NIN: variants seen among roughly 807,000 people sequenced by gnomAD.
NIN encodes glycogen synthase kinase 3 beta-interacting protein.
In NIN, 137 loss-of-function variants were observed where a neutral mutation model predicts 257.6. That is an observed-to-expected ratio of 0.53 (90% CI 0.46 to 0.61). The LOEUF (loss-of-function observed/expected upper bound fraction) is 0.61. Among genes scored for constraint, NIN ranks in the 20% least tolerant of loss-of-function variants. The pLI is 0.00. For missense variants in NIN, 2,439 were observed against 2,501.2 expected, an observed-to-expected ratio of 0.98 and a Z score of 0.53; for synonymous variants, 918 against 919.8, an observed-to-expected ratio of 1.00 and a Z score of 0.04.
rs749378030 is a variant in NIN at position 50,766,893 on chromosome 14, G to A, written c.1435-3C>T. 9 of 1,596,376 alleles carry A rather than the reference G, an allele frequency of 5.6e-6. No individual in the cohort carries two copies. The East Asian group carries it at 2.0e-4, about 36-fold the overall frequency. Reference sequence around the variant, plus strand: ...TCATTTTCCAGACGACTGTTTTCCTGAACAAGTATGGGGAAATTAAATGTG... The same window carrying A: ...TCATTTTCCAGACGACTGTTTTCCTAAACAAGTATGGGGAAATTAAATGTG... On this transcript the variant is annotated splice_region_variant and splice_polypyrimidine_tract_variant and intron_variant, in intron 12 of 30. Coordinates refer to ENST00000530997, the MANE Select transcript of NIN (RefSeq NM_020921.4).
chr14:50,771,324 C>T lies in NIN; in HGVS notation c.1118+8G>A, dbSNP rs757676661. ...GAATGGGGCAGGCGAACCTTCTGCT[C>T]AACTCACAACAAATGCCGGATTTCA... On this transcript the variant is annotated splice_region_variant and intron_variant, in intron 10 of 30. Coordinates refer to ENST00000530997, the MANE Select transcript of NIN (RefSeq NM_020921.4). 1.9e-6 allele frequency: 3 copies of T among 1,613,290 alleles called. No homozygotes were observed. Among genetic ancestry groups the T allele is most frequent in the East Asian group, 2.2e-5 (1 of 44,892 alleles).
Position 50,792,877 on chromosome 14 carries a change from G to A in NIN, c.270C>T (p.Cys90=), listed in dbSNP as rs547751786. 6.2e-7 allele frequency: 1 copy of A among 1,614,190 alleles called. No individual in the cohort carries two copies. Among genetic ancestry groups the A allele is most frequent in the Admixed American group, 1.7e-5 (1 of 60,024 alleles). Residue 90 remains cysteine (C), a synonymous_variant, in exon 5 of 31, where the codon TGC becomes TGT. Transcript: ENST00000530997. Reference sequence around the variant, plus strand: ...CATATTTGGGCTGAGCTTCTAGTGAGCAGTCTGAGAGAGGAGACAAGAGTT... The same window carrying A: ...CATATTTGGGCTGAGCTTCTAGTGAACAGTCTGAGAGAGGAGACAAGAGTT... The part of the protein sequence containing the change: ...SNEEHFQEPD[C]SLEAQPKYVR...
chr14:50,800,878 GT>G (rs2044070405), intron 4 of NIN, among the ~76,000 whole-genome samples: 1 of 151,730 alleles, frequency 6.6e-6, no homozygotes, highest in South Asian at 2.1e-4. Flanking sequence ...CGCCTCCTGG[GT>G]TCAACCGATT....
chr14:50,731,375 C>A (rs948546664), intron 28 of NIN, among the ~76,000 whole-genome samples: 1 of 151,702 alleles, frequency 6.6e-6, no homozygotes, highest in Non-Finnish European at 1.5e-5. Context: ...ACTAAAAGTA[C>A]AAAAATTACC....
rs1212393696 is a variant in NIN, at chr14:50,725,970, T to G, written c.6175A>C (p.Asn2059His). 9.3e-6 allele frequency: 15 copies of G among 1,614,020 alleles called. No homozygotes were observed. Among genetic ancestry groups the G allele is most frequent in the Non-Finnish European group, 1.3e-5 (15 of 1,179,992 alleles). ...AGGCTCACTTGTTCTTTGAGCTGATTCACTTTCTCTTGAAGAAGCCTTTTC... is the reference window on the plus strand; with the variant it reads ...AGGCTCACTTGTTCTTTGAGCTGATGCACTTTCTCTTGAAGAAGCCTTTTC... ...LVKRLLQEKV[N>H]QLKEQLCKNT... The change falls in exon 30 of 31, where the codon AAT becomes CAT. Residue 2059 changes from asparagine (N) to histidine (H), a missense_variant. By Grantham distance (68) the Asn-to-His change is moderately conservative. Around this residue, in one of 3 missense-constraint regions of NIN, gnomAD observed 2,043 missense variants for 2,050.2 expected, o/e 1.00. Coordinates refer to ENST00000530997, the MANE Select transcript of NIN (RefSeq NM_020921.4).
intron 2 of NIN, among the ~76,000 whole-genome samples, chr14:50,829,665 G>C (rs2045610546): frequency 6.6e-6 from 1 of 152,230 alleles, no homozygotes; most frequent in South Asian, 2.1e-4. Flanking sequence ...GCAGAAAGCA[G>C]ATCTCATAAT....
At chr14:50,728,092 T>C (rs2040500861) in intron 29 of NIN, among the ~76,000 whole-genome samples, 1 of 151,964 alleles carries the variant, frequency 6.6e-6, no homozygotes, top group Non-Finnish European at 1.5e-5. Flanking sequence ...TTTTGTCTAA[T>C]CCTGAAGGAA....
At chr14:50,727,895 T>C (rs1182343627) in intron 29 of NIN, 2 of 515,520 alleles carry the variant, frequency 3.9e-6, no homozygotes, top group Non-Finnish European at 3.5e-6. Flanking sequence ...CAACACAAAA[T>C]GCAGAAGAGA....
rs563107713 is a variant in NIN, at chr14:50,770,795, G to A, written c.1259+57C>T. ...CTGTTCTGCCCCTGCAGCTGCAGGC[G>A]CCACTGCCCTGGGCCAGGGTGGTGG... On this transcript the variant is annotated intron_variant, in intron 11 of 30. Coordinates refer to ENST00000530997, the MANE Select transcript of NIN (RefSeq NM_020921.4). 26 of 1,560,128 alleles carry A rather than the reference G, an allele frequency of 1.7e-5. No homozygotes were observed. The East Asian group carries it at 4.7e-4, about 28-fold the overall frequency.
At chr14:50,727,606 T>C (rs973965401) in intron 29 of NIN, 1 of 1,420,768 alleles carries the variant, frequency 7.0e-7, no homozygotes, top group Non-Finnish European at 9.5e-7. Flanking sequence ...TTAGCTTATG[T>C]CTCTGTGTGT....
intron 13 of NIN, 22 bp from the exon 14 acceptor site, chr14:50,766,418 GC>G (rs1566824355): frequency 1.9e-6 from 3 of 1,610,912 alleles, no homozygotes; most frequent in Non-Finnish European, 2.5e-6. Flanking sequence ...AAAGGGCAAA[GC>G]TGTCATTTTT....
chr14:50,777,554 C>A (rs1018788285), intron 6 of NIN, among the ~76,000 whole-genome samples: 3 of 152,154 alleles, frequency 2.0e-5, no homozygotes, highest in Non-Finnish European at 4.4e-5. Flanking sequence ...TTCTTTCCAG[C>A]CTAAGTACTA....
At chr14:50,723,809 T>C (rs1220310490) in intron 30 of NIN, 137 bp from the exon 31 acceptor site, 9 of 691,640 alleles carry the variant, frequency 1.3e-5, no homozygotes, top group South Asian at 9.9e-5. Context: ...TTTTACAAAA[T>C]AGCTTTAACA....
At chr14:50,736,918 CT>C in intron 27 of NIN, among the ~76,000 whole-genome samples, 1 of 152,266 alleles carries the variant, frequency 6.6e-6, no homozygotes, top group South Asian at 2.1e-4. Flanking sequence ...AGTAACAACT[CT>C]GAGAAGTCTG....
At chr14:50,800,001 T>TACACACACACAC (rs1180646398) in intron 4 of NIN, among the ~76,000 whole-genome samples, 1 of 81,332 alleles carries the variant, frequency 1.2e-5, no homozygotes, top group Admixed American at 1.5e-4. Flanking sequence ...ACAATATATA[T>TACACACACACAC]ACACATACAC....
intron 14 of NIN, among the ~76,000 whole-genome samples, chr14:50,765,460 A>ATTGT (rs1279020985): frequency 6.6e-6 from 1 of 152,196 alleles, no homozygotes; most frequent in Non-Finnish European, 1.5e-5. Context: ...TCATAATATG[A>ATTGT]TTGTTTTACT....
chr14:50,773,067 T>A lies in NIN; in HGVS notation c.695A>T (p.Asp232Val), dbSNP rs756159636. ...EMLEEVFHNLDPDGTMSVEDF... is the reference protein window; with the variant it reads ...EMLEEVFHNLVPDGTMSVEDF... Reference sequence around the variant, plus strand: ...TTCTACACTCATTGTACCGTCAGGATCAAGATTATGGAATACTTCCTCGAG... The same window carrying A: ...TTCTACACTCATTGTACCGTCAGGAACAAGATTATGGAATACTTCCTCGAG... The change falls in exon 8 of 31, where the codon GAT becomes GTT. Residue 232 changes from aspartate (D) to valine (V), a missense_variant. Asp to Val is a radical substitution (Grantham distance 152). This residue lies in a region of NIN where 387 missense variants were observed against 427.3 expected (regional missense o/e 0.91). Transcript: ENST00000530997. 6.2e-7 allele frequency: 1 copy of A among 1,612,466 alleles called. No homozygotes were observed. The highest frequency in any genetic ancestry group is 2.2e-5 in the East Asian group (1 of 44,838).
intron 26 of NIN, among the ~76,000 whole-genome samples, chr14:50,738,828 TA>T (rs1219778226): frequency 7.9e-5 from 12 of 152,226 alleles, no homozygotes; most frequent in Non-Finnish European, 1.6e-4. Flanking sequence ...AAGCATAGGT[TA>T]AATATCATTG....
chr14:50,760,433 ATTGCT>A, intron 16 of NIN, 74 bp from the exon 17 acceptor site: 2 of 837,370 alleles, frequency 2.4e-6, no homozygotes, highest in Non-Finnish European at 3.5e-6. Flanking sequence ...TGGAGCAGCA[ATTGCT>A]TTTTTTTTTT....
Sources: allele counts gnomAD v4.1 joint callset (sites outside exome capture counted in the v4.1 genomes callset), GRCh38; gene constraint gnomAD v4.1.1; regional missense constraint gnomAD v4.1.1; transcripts MANE v1.5; gene names NCBI Gene and HGNC (gene_info 2026-07-23, HGNC 2026-07-21).